FBN1: variants seen among roughly 807,000 people sequenced by gnomAD.
The protein encoded by FBN1 is fibrillin-1.
A neutral mutation model predicts 365.1 loss-of-function variants in FBN1; 29 were observed. The ratio of observed to expected loss-of-function variants is 0.08; its 90% CI spans 0.06 to 0.11. The LOEUF is 0.11. Ranked by LOEUF, FBN1 falls within the 10% of genes least tolerant of loss-of-function variation. FBN1 has a pLI of 1.00. For missense variants in FBN1, 2,476 were observed against 3,703.2 expected (o/e 0.67, Z 8.60); for synonymous variants, 1,210 against 1,270.5 (o/e 0.95, Z 1.01).
intron 52 of FBN1, 44 bp downstream of exon 52, chr15:48,437,278 T>G: frequency 1.3e-6 from 2 of 1,548,724 alleles, no homozygotes; most frequent in Non-Finnish European, 1.8e-6. Context: ...AGAAGCAGAT[T>G]GAGAATACTG....
intron 34 of FBN1, 98 bp from the exon 35 acceptor site, chr15:48,472,774 A>G: frequency 6.5e-7 from 1 of 1,547,030 alleles, no homozygotes; most frequent in East Asian, 2.2e-5. Flanking sequence ...TTTTGGCATA[A>G]CTTCAATTTG....
chr15:48,505,254 A>G, intron 15 of FBN1, 107 bp from the exon 16 acceptor site: 8 of 1,346,402 alleles, frequency 5.9e-6, no homozygotes, highest in Non-Finnish European at 8.4e-6. Flanking sequence ...ATAGGAAATA[A>G]TATGCAGCAT....
chr15:48,456,843 C>CGTGAGTGTGTGTGTGTGT, intron 43 of FBN1, 81 bp from the exon 44 acceptor site: 1 of 742,924 alleles, frequency 1.3e-6, no homozygotes. Context: ...AAAGTGCGTG[C>CGTGAGTGTGTGTGTGTGT]GTGTGTGTGT....
rs371909069 is a variant in FBN1, at chr15:48,496,259, G to T, written c.2294-34C>A. On this transcript the variant is annotated intron_variant, in intron 19 of 65. Transcript: ENST00000316623. The stretch of plus-strand genomic sequence containing the variant: ...TCAATGAAAATAAACACTTAAAAAG[G>T]GCCCAAACTTTGCCTGTATCTACTT... 7 of 1,612,742 alleles carry T rather than the reference G, an allele frequency of 4.3e-6. No individual in the cohort carries two copies. The African/African-American group carries it at 9.4e-5, about 22-fold the overall frequency.
At chr15:48,509,089 A>C (rs975303105) in intron 14 of FBN1, among the ~76,000 whole-genome samples, 1 of 152,216 alleles carries the variant, frequency 6.6e-6, no homozygotes, top group Non-Finnish European at 1.5e-5. Flanking sequence ...GAATATGAAC[A>C]TAAGTCAAAA....
In FBN1 at chr15:48,495,575, G is replaced by A. The variant is rs193921256; in HGVS notation, c.2433C>T (p.Cys811=). The A allele has an allele frequency of 7.4e-6, 12 of 1,613,874 alleles. No individual in the cohort carries two copies. Among genetic ancestry groups the A allele is most frequent in the East Asian group, 2.2e-5 (1 of 44,852 alleles). Residue 811 remains cysteine, a synonymous_variant, in exon 21 of 66, where the codon TGC becomes TGT. Coordinates refer to ENST00000316623, the MANE Select transcript of FBN1 (RefSeq NM_000138.5). ...DLKTCEDIDE[C]ESSPCINGVC... ...CTCCATTAATGCAAGGACTTGATTC[G>A]CATTCATCAATGTCTGAAACAAAAA...
intron 10 of FBN1, among the ~76,000 whole-genome samples, chr15:48,519,736 G>A (rs2043834852): frequency 6.6e-6 from 1 of 152,302 alleles, no homozygotes; most frequent in South Asian, 2.1e-4. Context: ...CGGATTGGGT[G>A]CAATGAAAAC....
chr15:48,587,472 T>G (rs1164391512), intron 6 of FBN1, among the ~76,000 whole-genome samples: 1 of 152,206 alleles, frequency 6.6e-6, no homozygotes, highest in African/African-American at 2.4e-5. Context: ...CTCCCTTCTT[T>G]GGAGTTATGT....
At chr15:48,530,704 A>G (rs1597589945) in intron 8 of FBN1, among the ~76,000 whole-genome samples, 1 of 152,144 alleles carries the variant, frequency 6.6e-6, no homozygotes. Flanking sequence ...TTAGCTCCTG[A>G]GAGGATAAGA....
intron 63 of FBN1, among the ~76,000 whole-genome samples, chr15:48,417,929 T>G (rs1307613769): frequency 6.6e-6 from 1 of 152,236 alleles, no homozygotes; most frequent in Non-Finnish European, 1.5e-5. Flanking sequence ...TCTGCTCCCC[T>G]GTCCCTCACT....
chr15:48,604,297 T>G (rs77436087), intron 4 of FBN1, among the ~76,000 whole-genome samples: 3,780 of 152,270 alleles, frequency 0.025, 144 homozygotes, highest in African/African-American at 0.087. Flanking sequence ...CATAAGCATT[T>G]GTATGACGAA....
chr15:48,478,733 A>T (rs1305420610), intron 32 of FBN1, among the ~76,000 whole-genome samples: 1 of 152,204 alleles, frequency 6.6e-6, no homozygotes, highest in Non-Finnish European at 1.5e-5. Flanking sequence ...CCTTGGCAAT[A>T]CCCAGGGTCT....
intron 42 of FBN1, among the ~76,000 whole-genome samples, chr15:48,462,637 T>G (rs1438227861): frequency 6.6e-6 from 1 of 152,232 alleles, no homozygotes; most frequent in African/African-American, 2.4e-5. Context: ...TGTTTGCCAT[T>G]TGCCTTATGC....
intron 22 of FBN1, 115 bp downstream of exon 22, chr15:48,495,008 G>A (rs531473361): frequency 4.8e-6 from 6 of 1,245,632 alleles, no homozygotes; most frequent in Admixed American, 3.8e-5. Flanking sequence ...GGGGCCATCA[G>A]GATTAAATCT....
At chr15:48,503,260 G>GCA (rs1243526233) in intron 17 of FBN1, among the ~76,000 whole-genome samples, 1 of 140,460 alleles carries the variant, frequency 7.1e-6, no homozygotes, top group East Asian at 2.1e-4. Flanking sequence ...TCGCGCCACT[G>GCA]CACTCCAGCC....
At chr15:48,498,891 G>C (rs2043631872) in intron 18 of FBN1, 94 bp downstream of exon 18, 2 of 1,199,564 alleles carry the variant, frequency 1.7e-6, no homozygotes, top group Admixed American at 1.7e-5. Flanking sequence ...AGTCAGGCCA[G>C]ACTAGTGTAA....
rs563018979 is a variant in FBN1, at chr15:48,519,694, G to GA, written c.1147+964dup. 1.3e-3 allele frequency among the ~76,000 whole-genome samples: 203 copies of GA among 151,844 alleles called. 1 individual carries two copies. Among genetic ancestry groups the GA allele is most frequent in the Non-Finnish European group, 2.0e-3 (137 of 67,900 alleles). On this transcript the variant is annotated intron_variant, in intron 10 of 65. Transcript: ENST00000316623. ...GAGCCTGAACTGGCAAGAAGTTTTA[G>GA]AAAAAAAAGCCAACTTGAATTCAGA...
intron 23 of FBN1, among the ~76,000 whole-genome samples, chr15:48,493,954 T>C (rs577850621): frequency 1.6e-4 from 24 of 152,356 alleles, no homozygotes; most frequent in Admixed American, 3.3e-4. Flanking sequence ...GTGCAGTCTC[T>C]CTAAACTGCG....
In FBN1 at chr15:48,422,926, CAAAACAAAAACA is replaced by C. The variant is rs532548130; in HGVS notation, c.7454-870_7454-859del. On this transcript the variant is annotated intron_variant, in intron 60 of 65. Transcript: ENST00000316623. Reference sequence around the variant, plus strand: ...TGGGCAACAGAGTGAAACTTCGTCTCAAAACAAAAACAAAAACAAAAACAAAAAACAAAAAAC... The same window carrying C: ...TGGGCAACAGAGTGAAACTTCGTCTCAAAACAAAAACAAAAAACAAAAAAC... 5.5e-3 allele frequency among the ~76,000 whole-genome samples: 839 copies of C among 151,606 alleles called. 8 individuals carry two copies. Among genetic ancestry groups the C allele is most frequent in the African/African-American group, 0.019 (799 of 41,304 alleles).
Sources: gnomAD v4.1 joint callset for allele counts (sites outside exome capture counted in the v4.1 genomes callset) on GRCh38, gnomAD v4.1.1 for gene constraint, MANE v1.5 for transcripts, NCBI Gene and HGNC (gene_info 2026-07-23, HGNC 2026-07-21) for gene names.